TULP4: variants seen among roughly 807,000 people sequenced by gnomAD.
TULP4 encodes the protein TUB like protein 4.
Under a neutral mutation model 129.0 loss-of-function variants are expected in TULP4, and 16 were observed. The ratio of observed to expected loss-of-function variants is 0.12; its 90% CI spans 0.08 to 0.19. The LOEUF is 0.19. TULP4 is among the 10% of genes least tolerant of loss of function. The probability of loss-of-function intolerance (pLI) is 1.00; values close to 1 mark genes in which losing one functional copy is unlikely to be tolerated. For synonymous variants in TULP4, 998 were observed against 854.0 expected, an observed-to-expected ratio of 1.17 and a Z score of -2.94; for missense variants, 1,842 against 2,059.1, an observed-to-expected ratio of 0.89 and a Z score of 2.04.
At chr6:158,302,371 G>T (rs947859918) in intron 1 of TULP4, among the ~76,000 whole-genome samples, 1 of 152,196 alleles carries the variant, frequency 6.6e-6, no homozygotes, top group African/African-American at 2.4e-5. Flanking sequence ...CAATTCTTAG[G>T]TATTAAAGCA....
chr6:158,490,402 A>T (rs1005731237), intron 9 of TULP4, among the ~76,000 whole-genome samples: 3 of 152,204 alleles, frequency 2.0e-5, no homozygotes, highest in Admixed American at 6.5e-5. Context: ...CAAATAAATA[A>T]ATAAATAATA....
upstream of TULP4, chr6:158,312,228 GTTTTACAACTGATGAAAA>G: frequency 5.0e-6 from 2 of 397,794 alleles, no homozygotes; most frequent in Non-Finnish European, 8.9e-6. Flanking sequence ...ACACTTGAGA[GTTTTACAACTGATGAAAA>G]TTAATTTAAG....
intron 2 of TULP4, among the ~76,000 whole-genome samples, chr6:158,417,762 C>T (rs1051182226): frequency 2.6e-5 from 4 of 152,140 alleles, no homozygotes; most frequent in African/African-American, 4.8e-5. Context: ...ATATAGCATG[C>T]TTTTCATTGT....
intron 4 of TULP4, among the ~76,000 whole-genome samples, chr6:158,451,605 A>G (rs987430377): frequency 6.6e-6 from 1 of 152,222 alleles, no homozygotes; most frequent in Non-Finnish European, 1.5e-5. Context: ...GCAAGCCTCT[A>G]TGAGCCACAT....
At chr6:158,476,670 C>T (rs1779828173) in intron 6 of TULP4, among the ~76,000 whole-genome samples, 1 of 152,224 alleles carries the variant, frequency 6.6e-6, no homozygotes, top group African/African-American at 2.4e-5. Flanking sequence ...GCTGTGTAAA[C>T]AGCCTGTTTC....
At chr6:158,349,096 G>GCAAA (rs1780408795) in intron 1 of TULP4, among the ~76,000 whole-genome samples, 1 of 136,132 alleles carries the variant, frequency 7.3e-6, no homozygotes, top group Admixed American at 7.2e-5. Flanking sequence ...CTTCCCAGAT[G>GCAAA]GGGCAGCCGG....
intron 9 of TULP4, among the ~76,000 whole-genome samples, chr6:158,490,789 C>CT (rs74809679): frequency 0.017 from 2,417 of 142,738 alleles, 49 homozygotes; most frequent in African/African-American, 0.052. Flanking sequence ...GTATCTGGCT[C>CT]TTTTTTTTTT....
chr6:158,233,631 C>G (rs538325471), intron 1 of TULP4, among the ~76,000 whole-genome samples: 18 of 152,206 alleles, frequency 1.2e-4, no homozygotes, highest in Non-Finnish European at 2.4e-4. Context: ...AGCCACACTG[C>G]AATCCAGAGA....
intron 1 of TULP4, among the ~76,000 whole-genome samples, chr6:158,320,531 A>G (rs1049375878): frequency 6.6e-6 from 1 of 151,696 alleles, no homozygotes; most frequent in African/African-American, 2.4e-5. Flanking sequence ...CCCCAGGTTC[A>G]AGCCATTTTT....
At chr6:158,499,982 A>T (rs1780407584) in intron 12 of TULP4, among the ~76,000 whole-genome samples, 1 of 152,164 alleles carries the variant, frequency 6.6e-6, no homozygotes, top group Non-Finnish European at 1.5e-5. Context: ...AGCCACATAA[A>T]TACCTGTAGT....
chr6:158,267,569 T>A (rs1359334235), intron 1 of TULP4, among the ~76,000 whole-genome samples: 1 of 152,130 alleles, frequency 6.6e-6, no homozygotes, highest in African/African-American at 2.4e-5. Flanking sequence ...GTTAGGCCTC[T>A]GTGTACAGTT....
In TULP4 at chr6:158,479,907, G is replaced by A. The variant is rs138487081; in HGVS notation, c.1183G>A (p.Val395Ile). Residue 395 changes from valine to isoleucine, a missense_variant, in exon 7 of 14, where the codon GTC (valine) becomes ATC (isoleucine). Transcript: ENST00000367097. ...IASTLREDKDVSKLTLPPRLC... is the reference protein window; with the variant it reads ...IASTLREDKDISKLTLPPRLC... ...CAGCACCTTGCGTGAGGACAAGGAC[G>A]TCAGCAAGCTGACTCTGCCCCCCCG... 356 of 1,612,550 alleles carry A rather than the reference G, an allele frequency of 2.2e-4. 1 individual carries two copies. Among genetic ancestry groups the A allele is most frequent in the East Asian group, 5.6e-4 (25 of 44,870 alleles).
At chr6:158,251,517 T>G (rs1472078195) in intron 1 of TULP4, among the ~76,000 whole-genome samples, 1 of 152,258 alleles carries the variant, frequency 6.6e-6, no homozygotes. Context: ...TCTAATTCTC[T>G]GGTCTCTTTG....
chr6:158,499,879 C>G (rs1413367756), intron 12 of TULP4, among the ~76,000 whole-genome samples: 1 of 152,092 alleles, frequency 6.6e-6, no homozygotes. Context: ...CTGCACTTTC[C>G]AACAATAGCC....
chr6:158,335,048 C>A (rs547853581), intron 1 of TULP4, among the ~76,000 whole-genome samples: 1 of 152,026 alleles, frequency 6.6e-6, no homozygotes, highest in African/African-American at 2.4e-5. Context: ...GAGGTTGAGG[C>A]GGGCGGATCA....
chr6:158,475,757 G>A (rs560969133), intron 6 of TULP4, among the ~76,000 whole-genome samples: 156 of 152,322 alleles, frequency 1.0e-3, no homozygotes, highest in Middle Eastern at 3.4e-3. Flanking sequence ...ATCAGGACTA[G>A]CGTTAGTGAA....
At chr6:158,239,072 C>A (rs1583663873) in intron 1 of TULP4, among the ~76,000 whole-genome samples, 21 of 129,104 alleles carry the variant, frequency 1.6e-4, no homozygotes, top group Admixed American at 2.9e-4. Flanking sequence ...CCCCCCACCT[C>A]CCTCCCGGAC....
intron 6 of TULP4, among the ~76,000 whole-genome samples, chr6:158,467,455 A>G (rs1779579418): frequency 6.6e-6 from 1 of 150,970 alleles, no homozygotes; most frequent in Non-Finnish European, 1.5e-5. Flanking sequence ...AATTTTTTGT[A>G]CTTTTTTAGT....
rs572810348 is a variant in TULP4 at position 158,502,275 on chromosome 6, C to G, written c.2612C>G (p.Ser871Cys). The stretch of plus-strand genomic sequence containing the variant: ...GTGTGCTTGAAGAAGGGCGACTTCT[C>G]CCTCTACCCCACGTCAGTGCACTAC... ...VDVCLKKGDF[S>C]LYPTSVHYQT... The change falls in exon 13 of 14, where the codon TCC (serine) becomes TGC (cysteine). Residue 871 changes from serine (S) to cysteine (C), a missense_variant. This residue lies in a region of TULP4 where 1,089 missense variants were observed against 987.1 expected (regional missense o/e 1.10). Transcript: ENST00000367097. 1.2e-6 allele frequency: 2 copies of G among 1,604,960 alleles called. No homozygotes were observed. The highest frequency in any genetic ancestry group is 1.1e-5 in the South Asian group (1 of 90,782).
Sources: gnomAD v4.1 joint callset for allele counts (sites outside exome capture counted in the v4.1 genomes callset) on GRCh38, gnomAD v4.1.1 for gene constraint, gnomAD v4.1.1 regional missense constraint, MANE v1.5 for transcripts, NCBI Gene and HGNC (gene_info 2026-07-23, HGNC 2026-07-21) for gene names.